ST18: variants seen among roughly 807,000 people sequenced by gnomAD.
ST18 encodes suppression of tumorigenicity 18 protein.
ST18 carries 50 observed loss-of-function variants against 110.0 expected under a neutral mutation model. The observed-to-expected ratio is 0.45, with a 90% CI of 0.36 to 0.58. The LOEUF is 0.58. ST18 is among the 20% of genes least tolerant of loss of function. The probability of loss-of-function intolerance (pLI) is 0.00; values close to 1 mark genes in which losing one functional copy is unlikely to be tolerated. For synonymous variants in ST18, 461 were observed against 452.4 expected (o/e 1.02, Z -0.24); for missense variants, 1,306 against 1,280.1 (o/e 1.02, Z -0.31).
intron 8 of ST18, among the ~76,000 whole-genome samples, chr8:52,203,477 C>T (rs1359702780): frequency 6.6e-6 from 1 of 152,076 alleles, no homozygotes; most frequent in African/African-American, 2.4e-5. Context: ...ATATTGGAAA[C>T]CAGAGCACAT....
intron 2 of ST18, among the ~76,000 whole-genome samples, chr8:52,250,786 T>C (rs200894593): frequency 1.3e-5 from 2 of 151,734 alleles, no homozygotes; most frequent in East Asian, 3.9e-4. Context: ...CTGGGAAAGG[T>C]GAGCTATACA....
At chr8:52,234,467 C>A (rs1589036430) in intron 2 of ST18, among the ~76,000 whole-genome samples, 1 of 151,956 alleles carries the variant, frequency 6.6e-6, no homozygotes. Context: ...GTTTCACTAT[C>A]TTGACCAGGC....
chr8:52,251,371 GTA>G (rs929811454), intron 2 of ST18, among the ~76,000 whole-genome samples: 1 of 151,988 alleles, frequency 6.6e-6, no homozygotes, highest in Non-Finnish European at 1.5e-5. Context: ...ATGTATAGAT[GTA>G]TATATATGAA....
chr8:52,202,383 CA>C (rs1190154141), intron 8 of ST18, among the ~76,000 whole-genome samples: 1 of 151,954 alleles, frequency 6.6e-6, no homozygotes, highest in Admixed American at 6.5e-5. Context: ...AAGTAGTCAG[CA>C]TATTAAAAAG....
At chr8:52,405,199 C>T (rs868842762) in intron 2 of ST18, 14 of 152,180 alleles carry the variant, frequency 9.2e-5, no homozygotes, top group African/African-American at 2.4e-4. Context: ...AATAACTGTC[C>T]GAGACTCAGG....
intron 2 of ST18, among the ~76,000 whole-genome samples, chr8:52,345,089 A>G (rs935707993): frequency 2.0e-5 from 3 of 152,164 alleles, no homozygotes; most frequent in Non-Finnish European, 4.4e-5. Context: ...TTAATTTCCA[A>G]ACAAACCAAA....
chr8:52,348,752 A>G (rs1169518777), intron 2 of ST18, among the ~76,000 whole-genome samples: 1 of 152,196 alleles, frequency 6.6e-6, no homozygotes, highest in Admixed American at 6.5e-5. Flanking sequence ...CCTCAAAAAA[A>G]ATTGTATATA....
intron 2 of ST18, among the ~76,000 whole-genome samples, chr8:52,315,837 G>A (rs1034099034): frequency 2.0e-5 from 3 of 151,994 alleles, no homozygotes; most frequent in Non-Finnish European, 4.4e-5. Flanking sequence ...CCTATTATTT[G>A]CTCTTTCTTC....
chr8:52,398,354 C>T (rs1387755992), intron 2 of ST18, among the ~76,000 whole-genome samples: 1 of 152,176 alleles, frequency 6.6e-6, no homozygotes, highest in Non-Finnish European at 1.5e-5. Context: ...AAAATCATGT[C>T]ATCTGCAAAT....
chr8:52,173,862 G>C (rs1224814314), intron 9 of ST18, among the ~76,000 whole-genome samples: 1 of 152,204 alleles, frequency 6.6e-6, no homozygotes, highest in Non-Finnish European at 1.5e-5. Flanking sequence ...CTGAGGGAGA[G>C]AGTGTCTGTG....
At chr8:52,188,413 C>A (rs1274604570) in intron 8 of ST18, among the ~76,000 whole-genome samples, 1 of 152,138 alleles carries the variant, frequency 6.6e-6, no homozygotes, top group Non-Finnish European at 1.5e-5. Context: ...TGAGATAGCA[C>A]CGTGCAAGGC....
At chr8:52,190,085 T>C (rs2073978091) in intron 8 of ST18, among the ~76,000 whole-genome samples, 1 of 152,170 alleles carries the variant, frequency 6.6e-6, no homozygotes, top group Non-Finnish European at 1.5e-5. Context: ...GGCACTGACA[T>C]GATGTCACAC....
chr8:52,282,712 G>C (rs967710474), intron 2 of ST18, among the ~76,000 whole-genome samples: 3 of 152,048 alleles, frequency 2.0e-5, no homozygotes, highest in Non-Finnish European at 4.4e-5. Flanking sequence ...CAGAGCTGCA[G>C]TGCCGCTGGG....
chr8:52,202,476 C>T lies in ST18; in HGVS notation c.86+9603G>A, dbSNP rs1051045883. On this transcript the variant is annotated intron_variant, in intron 8 of 25. Transcript: ENST00000689386. ...TGTCTCCCCAACGAAATTGTAAAGC[C>T]GAAGGCAGAGAATCTGCTTTCTTCT... Among the ~76,000 whole-genome samples, 9 of 151,882 alleles carry T rather than the reference C, an allele frequency of 5.9e-5. No individual in the cohort carries two copies. The East Asian group carries it at 9.6e-4, about 16-fold the overall frequency.
chr8:52,137,620 A>G lies in ST18; in HGVS notation c.2169-137T>C, dbSNP rs1586710177. On this transcript the variant is annotated intron_variant, in intron 17 of 25. Coordinates refer to ENST00000689386, the MANE Select transcript of ST18 (RefSeq NM_001352837.2). The stretch of plus-strand genomic sequence containing the variant: ...GTATAGGACATGCAGAAGCTAGTGT[A>G]CCAAGGATTTATATTATATAAGAAC... 2.4e-5 allele frequency: 18 copies of G among 746,452 alleles called. No homozygotes were observed. In the South Asian group the frequency reaches 3.6e-4, roughly 15 times the overall value. 46.2% of individuals were successfully genotyped at this position (746,452 alleles called of 1,614,324 possible).
At position 52,191,999 on chromosome 8, in the gene ST18, C is replaced by G. The variant is rs138805426; in HGVS notation, c.87-11687G>C. ...TTTACCAGAGGAGGCATTAATCCACCCACAGACAGAACAACCTGGCCAGGT... is the reference window on the plus strand; with the variant it reads ...TTTACCAGAGGAGGCATTAATCCACGCACAGACAGAACAACCTGGCCAGGT... On this transcript the variant is annotated intron_variant, in intron 8 of 25. Transcript: ENST00000689386. Among the ~76,000 whole-genome samples, 60 of 152,196 alleles carry G rather than the reference C, an allele frequency of 3.9e-4. No individual in the cohort carries two copies. The East Asian group carries it at 0.01, about 27-fold the overall frequency.
chr8:52,189,839 A>C (rs750405003), intron 8 of ST18, among the ~76,000 whole-genome samples: 24 of 152,186 alleles, frequency 1.6e-4, no homozygotes, highest in Non-Finnish European at 2.9e-4. Flanking sequence ...AATCTTTCTC[A>C]TGGGTGTACT....
chr8:52,210,030 CT>C (rs1041270252), intron 8 of ST18: 8 of 454,700 alleles, frequency 1.8e-5, no homozygotes, highest in African/African-American at 1.0e-4. Context: ...ACGTCACTAC[CT>C]TTTTTTCTCT....
chr8:52,120,820 G>C (rs2044440282), intron 23 of ST18, among the ~76,000 whole-genome samples: 1 of 152,198 alleles, frequency 6.6e-6, no homozygotes, highest in South Asian at 2.1e-4. Flanking sequence ...GATTGCTGGA[G>C]TCCTGGCTGG....
Sources: allele counts gnomAD v4.1 joint callset (sites outside exome capture counted in the v4.1 genomes callset), GRCh38; gene constraint gnomAD v4.1.1; transcripts MANE v1.5; gene names NCBI Gene and HGNC (gene_info 2026-07-23, HGNC 2026-07-21).